The following POLR2F variants were observed in gnomAD, a reference collection of about 807,000 sequenced individuals.
The protein encoded by POLR2F is DNA-directed RNA polymerases I, II, and III subunit RPABC2.
Under a neutral mutation model 22.7 loss-of-function variants are expected in POLR2F, and 12 were observed. The ratio of observed to expected loss-of-function variants is 0.53; its 90% CI spans 0.34 to 0.86. The LOEUF (loss-of-function observed/expected upper bound fraction) is 0.86, where lower values mean the gene tolerates loss of function less well. Among genes scored for constraint, POLR2F ranks in the 40% least tolerant of loss-of-function variants. The pLI, the probability that POLR2F is intolerant of heterozygous loss-of-function variation, is 0.02. For missense variants in POLR2F, 126 were observed against 171.5 expected (o/e 0.73, Z 1.48); for synonymous variants, 57 against 66.0 (o/e 0.86, Z 0.66).
downstream of POLR2F, chr22:38,041,324 A>G (rs916200043): frequency 1.6e-6 from 1 of 610,882 alleles, no homozygotes; most frequent in Non-Finnish European, 2.9e-6. Context: ...AGGTCATTCC[A>G]TCTCCTGAGT....
rs559605597 is a variant in POLR2F at position 38,038,804 on chromosome 22, G to A, written c.453-2264G>A. On this transcript the variant is annotated intron_variant, in intron 5 of 5. Transcript: ENST00000407936. ...CTCCCTCCTCCCCCCGCCGGCGCCC[G>A]CACCCCGGGGCTGCGCGCTGACCGT... 5.6e-4 allele frequency among the ~76,000 whole-genome samples: 35 copies of A among 62,960 alleles called. No individual in the cohort carries two copies. The South Asian group carries it at 0.019, about 35-fold the overall frequency. The allele number at this position is 62,960 out of a possible 152,430, so 41.3% of individuals were successfully genotyped here. A position where few individuals can be genotyped will look rare whatever the true frequency, so the allele number is the denominator to read the frequency against.
At chr22:38,027,091 A>G (rs59243653), downstream of POLR2F, among the ~76,000 whole-genome samples, 5,293 of 152,200 alleles carry the variant, frequency 0.035, 295 homozygotes, top group African/African-American at 0.12. Flanking sequence ...GGGACTGTGC[A>G]GTGTGTCGTG....
At chr22:37,994,628 C>T (rs2084695146) in intron 1 of POLR2F, among the ~76,000 whole-genome samples, 1 of 152,188 alleles carries the variant, frequency 6.6e-6, no homozygotes, top group African/African-American at 2.4e-5. Context: ...ATGCCATTCT[C>T]CTGTCTCAGC....
chr22:38,001,413 GA>G (rs1346584292), intron 1 of POLR2F, among the ~76,000 whole-genome samples: 1 of 152,220 alleles, frequency 6.6e-6, no homozygotes, highest in Non-Finnish European at 1.5e-5. Flanking sequence ...TAGATTCAGA[GA>G]GATTAAAGAT....
intron 1 of POLR2F, among the ~76,000 whole-genome samples, chr22:38,023,402 C>G (rs1035887956): frequency 3.3e-5 from 5 of 152,058 alleles, no homozygotes; most frequent in Non-Finnish European, 7.4e-5. Flanking sequence ...AAAAGGTCTT[C>G]CTCATCAAAC....
At position 38,006,850 on chromosome 22, in the gene POLR2F, C is replaced by G. The variant is rs142000441; in HGVS notation, c.121-19019C>G. On this transcript the variant is annotated intron_variant, in intron 1 of 2. Transcript: ENST00000333418. ...ATCTGCATGGTGGGGATCCTGGGGT[C>G]CTCCTGCCTCACCCAACAGAGGTCT... 2.3e-3 allele frequency among the ~76,000 whole-genome samples: 349 copies of G among 152,292 alleles called. 1 individual carries two copies. The highest frequency in any genetic ancestry group is 8.1e-3 in the African/African-American group (336 of 41,556).
intron 1 of POLR2F, among the ~76,000 whole-genome samples, chr22:38,022,108 G>T (rs375532023): frequency 4.4e-4 from 64 of 144,798 alleles, no homozygotes; most frequent in African/African-American, 1.6e-3. Flanking sequence ...TCCAGCCTGG[G>T]TGACAGAGGG....
At chr22:38,005,943 C>T (rs2084817315) in intron 1 of POLR2F, among the ~76,000 whole-genome samples, 2 of 152,194 alleles carry the variant, frequency 1.3e-5, no homozygotes, top group South Asian at 4.1e-4. Flanking sequence ...AAACCTTGGG[C>T]CAGATGTGGT....
At chr22:38,007,529 G>A (rs1178128459) in intron 1 of POLR2F, among the ~76,000 whole-genome samples, 1 of 152,236 alleles carries the variant, frequency 6.6e-6, no homozygotes, top group Admixed American at 6.5e-5. Flanking sequence ...GCTGGCGGTG[G>A]ACAGAGCGGG....
chr22:38,038,888 C>G (rs1461090673), intron 5 of POLR2F, among the ~76,000 whole-genome samples: 1 of 151,900 alleles, frequency 6.6e-6, no homozygotes, highest in Non-Finnish European at 1.5e-5. Context: ...ATCTTGCGAG[C>G]GGCCCTCAGG....
intron 1 of POLR2F, chr22:38,025,628 GCCCA>G: frequency 6.4e-7 from 1 of 1,559,954 alleles, no homozygotes; most frequent in Non-Finnish European, 8.7e-7. Flanking sequence ...CTACGCACTG[GCCCA>G]CAGCCTAGGC....
chr22:38,003,205 G>C (rs2084790295), intron 1 of POLR2F, among the ~76,000 whole-genome samples: 1 of 151,968 alleles, frequency 6.6e-6, no homozygotes, highest in Non-Finnish European at 1.5e-5. Flanking sequence ...TTATGTACCA[G>C]GCTTGGACTT....
chr22:37,968,319 A>G lies in POLR2F; in HGVS notation c.*604A>G, dbSNP rs1318859971. ...TGGAGCAAGGACCGAGCACCTGCCT[A>G]CCCCTGCCCCCATGGCTCTGTCCCC... On this transcript the variant is annotated 3_prime_UTR_variant, in exon 5 of 5. Coordinates refer to ENST00000442738, the MANE Select transcript of POLR2F (RefSeq NM_021974.5). 16 of 985,670 alleles carry G rather than the reference A, an allele frequency of 1.6e-5. No individual in the cohort carries two copies. The highest frequency in any genetic ancestry group is 1.9e-5 in the Non-Finnish European group (16 of 830,130). 61.1% of individuals were successfully genotyped at this position (985,670 alleles called of 1,614,324 possible).
At chr22:38,024,624 G>A (rs1051065449) in intron 1 of POLR2F, among the ~76,000 whole-genome samples, 2 of 152,182 alleles carry the variant, frequency 1.3e-5, no homozygotes, top group South Asian at 4.1e-4. Flanking sequence ...ACTTGGTGCT[G>A]ACTGAGAATG....
intron 1 of POLR2F, chr22:38,025,744 G>A: frequency 2.0e-6 from 3 of 1,529,882 alleles, no homozygotes; most frequent in East Asian, 2.3e-5. Context: ...GTTGCTGATG[G>A]TCTCACCCGA....
At chr22:37,953,978 C>T in intron 1 of POLR2F, 171 bp downstream of exon 1, 1 of 747,442 alleles carries the variant, frequency 1.3e-6, no homozygotes, top group Middle Eastern at 3.9e-4. Context: ...GGAGCACAGC[C>T]CCGGCTGGAG....
chr22:37,975,395 G>C (rs1932191499), intron 4 of POLR2F, among the ~76,000 whole-genome samples: 1 of 152,124 alleles, frequency 6.6e-6, no homozygotes, highest in Admixed American at 6.6e-5. Context: ...GAGTGGGGTG[G>C]GGCCTTGAAG....
At chr22:37,965,337 TG>T (rs1379284483) in intron 3 of POLR2F, among the ~76,000 whole-genome samples, 2 of 152,192 alleles carry the variant, frequency 1.3e-5, no homozygotes, top group African/African-American at 4.8e-5. Context: ...AGGTTTTGGA[TG>T]GGGTTTCAGT....
At chr22:37,970,383 A>G (rs1228911304), downstream of POLR2F, among the ~76,000 whole-genome samples, 1 of 149,968 alleles carries the variant, frequency 6.7e-6, no homozygotes, top group Non-Finnish European at 1.5e-5. Flanking sequence ...CAAGCGGATC[A>G]TGAGGTCAGG....
Sources: gnomAD v4.1 joint callset for allele counts (sites outside exome capture counted in the v4.1 genomes callset) on GRCh38, gnomAD v4.1.1 for gene constraint, MANE v1.5 for transcripts, NCBI Gene and HGNC (gene_info 2026-07-23, HGNC 2026-07-21) for gene names.